Variants in SLC25A21 observed in about 807,000 individuals in gnomAD.
SLC25A21 encodes mitochondrial 2-oxodicarboxylate carrier.
SLC25A21 carries 47 observed loss-of-function variants against 43.8 expected under a neutral mutation model. The ratio of observed to expected loss-of-function variants is 1.07; its 90% CI spans 0.85 to 1.37. SLC25A21 has a LOEUF of 1.37. SLC25A21 is among the 40% of genes most tolerant of loss of function. The pLI, the probability that SLC25A21 is intolerant of heterozygous loss-of-function variation, is 0.00. For synonymous variants in SLC25A21, 131 were observed against 121.3 expected, an observed-to-expected ratio of 1.08 and a Z score of -0.52; for missense variants, 352 against 350.2, an observed-to-expected ratio of 1.00 and a Z score of -0.04.
At chr14:36,737,691 T>G (rs1319970998) in intron 3 of SLC25A21, among the ~76,000 whole-genome samples, 1 of 152,166 alleles carries the variant, frequency 6.6e-6, no homozygotes, top group African/African-American at 2.4e-5. Context: ...TATGATACAA[T>G]ATGATACAGG....
At chr14:37,164,790 T>C (rs1339879167) in intron 1 of SLC25A21, among the ~76,000 whole-genome samples, 1 of 152,180 alleles carries the variant, frequency 6.6e-6, no homozygotes, top group African/African-American at 2.4e-5. Context: ...TCTCTCCCTA[T>C]TAAAATATCA....
rs117460985 is a variant in SLC25A21, at chr14:36,691,162, T to G, written c.604-6237A>C. ...AGAAGTGAAGAAGCCAAAGTATCGG[T>G]GACTCTGAGACTGCCACATGTCAAC... On this transcript the variant is annotated intron_variant, in intron 7 of 9. Transcript: ENST00000331299. Among the ~76,000 whole-genome samples the G allele has an allele frequency of 1.1e-3, 174 of 152,334 alleles. 2 individuals carry two copies. The East Asian group carries it at 0.027, about 24-fold the overall frequency.
intron 1 of SLC25A21, among the ~76,000 whole-genome samples, chr14:36,990,440 A>G (rs1467223698): frequency 6.6e-6 from 1 of 152,194 alleles, no homozygotes; most frequent in East Asian, 1.9e-4. Context: ...TTATAGTTTA[A>G]CCCACCATGA....
chr14:36,716,584 T>C (rs1884145661), intron 6 of SLC25A21, among the ~76,000 whole-genome samples: 2 of 152,172 alleles, frequency 1.3e-5, no homozygotes, highest in Non-Finnish European at 2.9e-5. Flanking sequence ...GAGAAGATCC[T>C]TGGTGTAAAT....
intron 1 of SLC25A21, among the ~76,000 whole-genome samples, chr14:36,896,003 G>A (rs1161548447): frequency 2.0e-5 from 3 of 152,168 alleles, no homozygotes; most frequent in Non-Finnish European, 2.9e-5. Context: ...GTGCTGAAAA[G>A]AATGTATATT....
chr14:37,110,506 C>G (rs56358023), intron 1 of SLC25A21, among the ~76,000 whole-genome samples: 8,497 of 152,144 alleles, frequency 0.056, 310 homozygotes, highest in Non-Finnish European at 0.081. Context: ...TTAGCAAGTA[C>G]AGACACAAGT....
At chr14:37,059,055 C>G (rs754882563) in intron 1 of SLC25A21, among the ~76,000 whole-genome samples, 4 of 152,190 alleles carry the variant, frequency 2.6e-5, no homozygotes, top group African/African-American at 4.8e-5. Flanking sequence ...CATAATTATT[C>G]AAGTATCTTT....
At chr14:37,023,818 C>A (rs963970748) in intron 1 of SLC25A21, among the ~76,000 whole-genome samples, 1 of 151,932 alleles carries the variant, frequency 6.6e-6, no homozygotes, top group African/African-American at 2.4e-5. Flanking sequence ...TCTCCTGCAC[C>A]GAGAATGGAG....
intron 1 of SLC25A21, among the ~76,000 whole-genome samples, chr14:37,053,178 T>A (rs750896432): frequency 6.6e-6 from 1 of 152,154 alleles, no homozygotes; most frequent in Non-Finnish European, 1.5e-5. Context: ...TTATATCCTA[T>A]GAAAATAGAG....
intron 7 of SLC25A21, among the ~76,000 whole-genome samples, chr14:36,705,723 A>AT (rs991842082): frequency 2.5e-4 from 38 of 152,220 alleles, no homozygotes; most frequent in African/African-American, 9.6e-5. Context: ...ACATTTATAG[A>AT]TTTTTTTTAA....
At chr14:36,809,769 G>C (rs1357619829) in intron 3 of SLC25A21, among the ~76,000 whole-genome samples, 1 of 152,174 alleles carries the variant, frequency 6.6e-6, no homozygotes, top group Non-Finnish European at 1.5e-5. Flanking sequence ...AGAGGAGATA[G>C]GAAAAACCAG....
At chr14:36,847,297 T>C (rs1889576214) in intron 2 of SLC25A21, among the ~76,000 whole-genome samples, 1 of 152,126 alleles carries the variant, frequency 6.6e-6, no homozygotes, top group South Asian at 2.1e-4. Flanking sequence ...ATTAGATAAT[T>C]CCATTAAAAT....
At chr14:36,820,270 T>C (rs1015631507) in intron 2 of SLC25A21, among the ~76,000 whole-genome samples, 4 of 152,204 alleles carry the variant, frequency 2.6e-5, no homozygotes, top group Middle Eastern at 3.2e-3. Context: ...TTCATCCTTA[T>C]TGTGACTTTT....
intron 2 of SLC25A21, among the ~76,000 whole-genome samples, chr14:36,829,710 G>A (rs1888965458): frequency 8.4e-5 from 1 of 11,966 alleles, no homozygotes; most frequent in African/African-American, 9.3e-5. Flanking sequence ...TCTAATGCTG[G>A]TTCCCTTAAC....
intron 6 of SLC25A21, among the ~76,000 whole-genome samples, chr14:36,715,544 T>C (rs1884089872): frequency 6.6e-6 from 1 of 152,202 alleles, no homozygotes; most frequent in South Asian, 2.1e-4. Context: ...CACTCCAATT[T>C]TCATATTTAG....
intron 1 of SLC25A21, among the ~76,000 whole-genome samples, chr14:37,099,103 G>A (rs1051950150): frequency 2.6e-5 from 4 of 151,778 alleles, no homozygotes; most frequent in Admixed American, 6.6e-5. Flanking sequence ...ATGCCCAGCC[G>A]GACTTAAAAA....
intron 1 of SLC25A21, among the ~76,000 whole-genome samples, chr14:37,137,294 G>A (rs1215953642): frequency 1.3e-5 from 2 of 152,154 alleles, no homozygotes; most frequent in Non-Finnish European, 2.9e-5. Flanking sequence ...ACCGCGCCCA[G>A]CTGGCACTGA....
chr14:36,824,344 T>C (rs1295826653), intron 2 of SLC25A21, among the ~76,000 whole-genome samples: 3 of 152,144 alleles, frequency 2.0e-5, no homozygotes, highest in Non-Finnish European at 4.4e-5. Context: ...AAGGGAGGTT[T>C]TTATTTTTAT....
At chr14:36,725,238 C>G (rs1406981489) in intron 6 of SLC25A21, 1 of 154,506 alleles carries the variant, frequency 6.5e-6, no homozygotes, top group African/African-American at 2.4e-5. Flanking sequence ...CTCTGGGAGG[C>G]CAAGGCAGGT....
Sources: gnomAD v4.1 joint callset for allele counts (sites outside exome capture counted in the v4.1 genomes callset) on GRCh38, gnomAD v4.1.1 for gene constraint, MANE v1.5 for transcripts, NCBI Gene and HGNC (gene_info 2026-07-23, HGNC 2026-07-21) for gene names.